The following KIAA0930 variants were observed in gnomAD, a reference collection of about 807,000 sequenced individuals.
KIAA0930 encodes uncharacterized protein KIAA0930.
In KIAA0930, 24 loss-of-function variants were observed where a neutral mutation model predicts 43.9. The observed-to-expected ratio is 0.55, with a 90% CI of 0.40 to 0.77. The LOEUF (loss-of-function observed/expected upper bound fraction) is 0.77, where lower values mean the gene tolerates loss of function less well. Among genes scored for constraint, KIAA0930 ranks in the 30% least tolerant of loss-of-function variants. The pLI is 0.00. For missense variants in KIAA0930, 461 were observed against 574.2 expected (o/e 0.80, Z 2.02); for synonymous variants, 259 against 216.4 (o/e 1.20, Z -1.73).
intron 4 of KIAA0930, 151 bp downstream of exon 4, chr22:45,205,479 T>C: frequency 1.1e-6 from 1 of 884,474 alleles, no homozygotes; most frequent in South Asian, 1.5e-5. Context: ...GCTCCTCGAA[T>C]GGGATACGGG....
At chr22:45,212,667 C>T (rs527299399) in intron 1 of KIAA0930, among the ~76,000 whole-genome samples, 7 of 152,374 alleles carry the variant, frequency 4.6e-5, no homozygotes, top group South Asian at 4.1e-4. Context: ...TGCGCAGCTT[C>T]GTGCTCATCT....
At chr22:45,233,248 G>A (rs766834588) in intron 1 of KIAA0930, among the ~76,000 whole-genome samples, 1 of 152,132 alleles carries the variant, frequency 6.6e-6, no homozygotes, top group African/African-American at 2.4e-5. Flanking sequence ...TGCCCAGGTC[G>A]GGGGAAGGAA....
At position 45,205,684 on chromosome 22, in the gene KIAA0930, C is replaced by A; in HGVS notation, c.360G>T (p.Ala120=). Residue 120 remains alanine (A), a synonymous_variant, in exon 4 of 10, where the codon GCG becomes GCT. Coordinates refer to ENST00000336156, the MANE Select transcript of KIAA0930 (RefSeq NM_001009880.2). ...LQKLDYMVTC[A]VCTRADGGDI... The stretch of plus-strand genomic sequence containing the variant: ...CCCCGCCGTCAGCACGTGTGCACAC[C>A]GCACAGGTCACCATGTAGTCCAGCT... 2 of 1,614,092 alleles carry A rather than the reference C, an allele frequency of 1.2e-6. No homozygotes were observed. Among genetic ancestry groups the A allele is most frequent in the South Asian group, 2.2e-5 (2 of 91,082 alleles).
intron 8 of KIAA0930, among the ~76,000 whole-genome samples, chr22:45,198,716 C>A (rs1037386516): frequency 2.0e-5 from 3 of 152,120 alleles, no homozygotes; most frequent in Non-Finnish European, 4.4e-5. Flanking sequence ...GTGGCACGAT[C>A]TCGGCTCACC....
At chr22:45,227,197 C>T (rs1355753302) in intron 1 of KIAA0930, among the ~76,000 whole-genome samples, 1 of 152,234 alleles carries the variant, frequency 6.6e-6, no homozygotes, top group Non-Finnish European at 1.5e-5. Context: ...ACACACCACA[C>T]AGGACAAGGA....
At chr22:45,198,570 C>T (rs2083557857) in intron 8 of KIAA0930, among the ~76,000 whole-genome samples, 1 of 152,236 alleles carries the variant, frequency 6.6e-6, no homozygotes, top group Non-Finnish European at 1.5e-5. Context: ...CAAAGACTGC[C>T]ACCTCTTCTG....
At chr22:45,223,103 T>G (rs1047795146) in intron 1 of KIAA0930, among the ~76,000 whole-genome samples, 6 of 152,214 alleles carry the variant, frequency 3.9e-5, no homozygotes, top group African/African-American at 9.6e-5. Flanking sequence ...ATAAGATTCT[T>G]TAAGCATTAC....
intron 2 of KIAA0930, among the ~76,000 whole-genome samples, chr22:45,208,828 C>A (rs558296707): frequency 6.6e-6 from 1 of 152,224 alleles, no homozygotes; most frequent in Non-Finnish European, 1.5e-5. Context: ...GCTTCCTCCC[C>A]GTCTCTGAGC....
At chr22:45,214,283 C>G (rs904579620) in intron 1 of KIAA0930, among the ~76,000 whole-genome samples, 2 of 152,118 alleles carry the variant, frequency 1.3e-5, no homozygotes, top group Non-Finnish European at 2.9e-5. Context: ...AGGTACCTGC[C>G]CAAGAGAAAT....
At chr22:45,199,129 C>A (rs959871595) in intron 8 of KIAA0930, among the ~76,000 whole-genome samples, 5 of 152,178 alleles carry the variant, frequency 3.3e-5, no homozygotes, top group African/African-American at 1.2e-4. Flanking sequence ...ACAGAGACTG[C>A]TGAGTGGCAT....
chr22:45,220,067 T>G (rs943756068), intron 1 of KIAA0930, among the ~76,000 whole-genome samples: 1 of 152,142 alleles, frequency 6.6e-6, no homozygotes, highest in African/African-American at 2.4e-5. Context: ...CTCACAGATG[T>G]CAAGACAAAA....
At chr22:45,221,727 T>TTTGTTG (rs370870475) in intron 1 of KIAA0930, among the ~76,000 whole-genome samples, 3,069 of 152,040 alleles carry the variant, frequency 0.02, 100 homozygotes, top group African/African-American at 0.07. Flanking sequence ...TAACTGGGTT[T>TTTGTTG]TTGTTGTTGT....
chr22:45,214,774 T>C (rs2083721307), intron 1 of KIAA0930, among the ~76,000 whole-genome samples: 1 of 151,990 alleles, frequency 6.6e-6, no homozygotes, highest in African/African-American at 2.4e-5. Flanking sequence ...CTGGGCATGA[T>C]GGCATGTGGC....
At chr22:45,207,379 G>C (rs763172744) in intron 2 of KIAA0930, among the ~76,000 whole-genome samples, 35 of 149,136 alleles carry the variant, frequency 2.3e-4, no homozygotes, top group Non-Finnish European at 8.9e-5. Context: ...CTGGAGTACA[G>C]TGGCACAATC....
At chr22:45,200,849 C>A (rs1233748862) in intron 7 of KIAA0930, 1 of 469,634 alleles carries the variant, frequency 2.1e-6, no homozygotes, top group Non-Finnish European at 4.4e-6. Context: ...GCACAGGATA[C>A]ATGAAGCACA....
chr22:45,218,485 C>T (rs1431332733), intron 1 of KIAA0930, among the ~76,000 whole-genome samples: 1 of 151,726 alleles, frequency 6.6e-6, no homozygotes, highest in African/African-American at 2.4e-5. Flanking sequence ...CGCTCGGCCA[C>T]CCTACAGTTT....
Position 45,219,298 on chromosome 22 carries a change from T to A in KIAA0930, c.65-7191A>T, listed in dbSNP as rs567617678. On this transcript the variant is annotated intron_variant, in intron 1 of 9. Coordinates refer to ENST00000336156, the MANE Select transcript of KIAA0930 (RefSeq NM_001009880.2). ...CAGTGCAACACGCACTTAGAAACGATGAATGACAACTGCCACTGTGGTTAC... is the reference window on the plus strand; with the variant it reads ...CAGTGCAACACGCACTTAGAAACGAAGAATGACAACTGCCACTGTGGTTAC... Among the ~76,000 whole-genome samples, 4 of 152,290 alleles carry A rather than the reference T, an allele frequency of 2.6e-5. No homozygotes were observed. The South Asian group carries it at 8.3e-4, about 32-fold the overall frequency.
At chr22:45,197,377 C>T (rs911556717) in intron 9 of KIAA0930, among the ~76,000 whole-genome samples, 161 bp from the exon 10 acceptor site, 6 of 152,240 alleles carry the variant, frequency 3.9e-5, no homozygotes, top group African/African-American at 1.4e-4. Context: ...CCACCATCCT[C>T]ACCCTGCAGA....
chr22:45,236,269 C>T (rs1054898817), intron 1 of KIAA0930: 14 of 152,672 alleles, frequency 9.2e-5, no homozygotes, highest in African/African-American at 3.4e-4. Flanking sequence ...ACGCAGCATC[C>T]TCTGCACTGA....
Sources: gnomAD v4.1 joint callset for allele counts (sites outside exome capture counted in the v4.1 genomes callset) on GRCh38, gnomAD v4.1.1 for gene constraint, MANE v1.5 for transcripts, NCBI Gene and HGNC (gene_info 2026-07-23, HGNC 2026-07-21) for gene names.